The following NRG2 variants were observed in gnomAD, a reference collection of about 807,000 sequenced individuals.
NRG2 encodes the protein neuregulin 2.
NRG2 carries 27 observed loss-of-function variants against 73.9 expected under a neutral mutation model. The ratio of observed to expected loss-of-function variants is 0.37; its 90% CI spans 0.27 to 0.50. NRG2 has a LOEUF of 0.50. NRG2 is among the 20% of genes least tolerant of loss of function. The probability of loss-of-function intolerance (pLI) is 0.96; values close to 1 mark genes in which losing one functional copy is unlikely to be tolerated. For missense variants in NRG2, 1,126 were observed against 1,210.1 expected (o/e 0.93, Z 1.03); for synonymous variants, 532 against 541.0 (o/e 0.98, Z 0.23).
chr5:139,950,645 T>C (rs1754133641), intron 1 of NRG2, among the ~76,000 whole-genome samples: 1 of 152,216 alleles, frequency 6.6e-6, no homozygotes, highest in Non-Finnish European at 1.5e-5. Flanking sequence ...GGGCAAATAC[T>C]TTCCACACGC....
chr5:140,003,357 G>C (rs369422996), intron 1 of NRG2, among the ~76,000 whole-genome samples: 1 of 152,186 alleles, frequency 6.6e-6, no homozygotes, highest in Admixed American at 6.5e-5. Flanking sequence ...GGAAATTGCA[G>C]ATGTGATTAA....
chr5:139,918,966 T>G (rs896249556), intron 1 of NRG2, among the ~76,000 whole-genome samples: 1 of 152,134 alleles, frequency 6.6e-6, no homozygotes, highest in Non-Finnish European at 1.5e-5. Flanking sequence ...GAGAATTTTC[T>G]TAGAAGAATA....
rs767016882 is a variant in NRG2, at chr5:139,852,390, T to C, written c.1544+42A>G. 1.2e-6 allele frequency: 2 copies of C among 1,601,032 alleles called. No homozygotes were observed. The highest frequency in any genetic ancestry group is 1.7e-5 in the Admixed American group (1 of 58,498). ...AGTGGGCACTTTGCGCCAGATGAAGTATGTGAGTCTACAAGTTTCCATGGG... is the reference window on the plus strand; with the variant it reads ...AGTGGGCACTTTGCGCCAGATGAAGCATGTGAGTCTACAAGTTTCCATGGG... On this transcript the variant is annotated intron_variant, in intron 8 of 9. Transcript: ENST00000361474. The surrounding 1 kb of genome is among the most constrained non-coding windows in gnomAD (Gnocchi z 4.4).
intron 1 of NRG2, among the ~76,000 whole-genome samples, chr5:139,922,675 C>T (rs1263262756): frequency 6.6e-6 from 1 of 152,192 alleles, no homozygotes; most frequent in Non-Finnish European, 1.5e-5. Flanking sequence ...CTTCATACAT[C>T]ATTGCCCAAA....
chr5:139,974,998 A>C (rs1275827859), intron 1 of NRG2, among the ~76,000 whole-genome samples: 1 of 152,256 alleles, frequency 6.6e-6, no homozygotes, highest in Non-Finnish European at 1.5e-5. Context: ...GCTAGCAGCC[A>C]ATGTGCCTCT....
At chr5:139,959,212 T>A (rs11742055) in intron 1 of NRG2, among the ~76,000 whole-genome samples, 2,469 of 152,248 alleles carry the variant, frequency 0.016, 33 homozygotes, top group Middle Eastern at 0.051. Context: ...GTTTTTGTTT[T>A]TCTTTGATAC....
chr5:140,002,574 G>A (rs1485498538), intron 1 of NRG2, among the ~76,000 whole-genome samples: 1 of 152,222 alleles, frequency 6.6e-6, no homozygotes, highest in African/African-American at 2.4e-5. Flanking sequence ...TAAGGGCCAA[G>A]TCGGAGAAAG....
In NRG2 at chr5:139,887,450, C is replaced by G. The variant is rs748046281; in HGVS notation, c.762G>C (p.Ser254=). Residue 254 remains serine (S), a synonymous_variant, in exon 2 of 10, where the codon TCG becomes TCC. Coordinates refer to ENST00000361474, the MANE Select transcript of NRG2 (RefSeq NM_004883.3). This position sits in a 1 kb window ranked among gnomAD's most constrained non-coding sequence, Gnocchi z 4.5. ...TACCGGCTGCTGCCTCACACTTCAGCGATTGCTTCTCACCCACCTGTCCCG... is the reference window on the plus strand; with the variant it reads ...TACCGGCTGCTGCCTCACACTTCAGGGATTGCTTCTCACCCACCTGTCCCG... ...SQTGQVGEKQ[S]LKCEAAAGNP... is the part of the protein sequence containing the mutation. The G allele has an allele frequency of 6.2e-7, 1 of 1,614,260 alleles. No individual in the cohort carries two copies. The highest frequency in any genetic ancestry group is 8.5e-7 in the Non-Finnish European group (1 of 1,180,052).
intron 1 of NRG2, among the ~76,000 whole-genome samples, chr5:140,013,600 G>T (rs1759538759): frequency 6.6e-6 from 1 of 152,204 alleles, no homozygotes; most frequent in East Asian, 1.9e-4. Flanking sequence ...TCCCCTAACA[G>T]CTACCACCCT....
chr5:139,949,615 T>C (rs1012106845), intron 1 of NRG2, among the ~76,000 whole-genome samples: 33 of 152,248 alleles, frequency 2.2e-4, no homozygotes, highest in African/African-American at 8.0e-4. Context: ...TATTCTATTT[T>C]AGCTAAGGAA....
intron 1 of NRG2, among the ~76,000 whole-genome samples, chr5:139,939,280 T>A (rs1246139047): frequency 6.6e-6 from 1 of 151,096 alleles, no homozygotes; most frequent in Non-Finnish European, 1.5e-5. Context: ...CTTTCTTTCT[T>A]TCCTTTCTTT....
chr5:139,936,134 G>C (rs1011944913), intron 1 of NRG2, among the ~76,000 whole-genome samples: 2 of 151,772 alleles, frequency 1.3e-5, no homozygotes, highest in African/African-American at 4.8e-5. Flanking sequence ...TAGAAAAACA[G>C]AGCAAGTTAA....
intron 1 of NRG2, among the ~76,000 whole-genome samples, chr5:139,941,344 TA>T (rs1405116675): frequency 6.6e-6 from 1 of 151,918 alleles, no homozygotes; most frequent in Non-Finnish European, 1.5e-5. Flanking sequence ...TTTTTTGTAA[TA>T]CAGGCCTATT....
intron 1 of NRG2, among the ~76,000 whole-genome samples, chr5:140,000,186 G>T (rs1379015456): frequency 2.0e-5 from 3 of 152,204 alleles, no homozygotes; most frequent in African/African-American, 4.8e-5. Flanking sequence ...TGAGTCTGGA[G>T]GTTCTCAGAC....
In NRG2 at chr5:139,871,703, C is replaced by T; in HGVS notation, c.1112+18G>A. 1.2e-6 allele frequency: 2 copies of T among 1,613,694 alleles called. No homozygotes were observed. The highest frequency in any genetic ancestry group is 1.7e-6 in the Non-Finnish European group (2 of 1,179,722). On this transcript the variant is annotated intron_variant, in intron 4 of 9. Coordinates refer to ENST00000361474, the MANE Select transcript of NRG2 (RefSeq NM_004883.3). ...TACCCTGTTCTTGCTCCCATGCCCA[C>T]CCCTACTGGTCACTTACTTGCAGGA...
chr5:139,878,861 T>C (rs1221624301), intron 3 of NRG2, among the ~76,000 whole-genome samples: 2 of 152,138 alleles, frequency 1.3e-5, no homozygotes, highest in Admixed American at 1.3e-4. Context: ...GGCTGGGCCA[T>C]AGAGGAGGCA....
At chr5:139,922,115 G>A (rs1446913550) in intron 1 of NRG2, among the ~76,000 whole-genome samples, 15 of 145,674 alleles carry the variant, frequency 1.0e-4, no homozygotes, top group African/African-American at 3.8e-4. Context: ...CTCTACAAAA[G>A]ATAATGTCAA....
intron 1 of NRG2, among the ~76,000 whole-genome samples, chr5:139,916,918 T>A (rs1751298362): frequency 6.6e-6 from 1 of 152,212 alleles, no homozygotes; most frequent in Admixed American, 6.5e-5. Flanking sequence ...ATATATATTA[T>A]CTGAAATCCC....
At chr5:139,924,492 A>G (rs1480524954) in intron 1 of NRG2, among the ~76,000 whole-genome samples, 1 of 152,168 alleles carries the variant, frequency 6.6e-6, no homozygotes, top group East Asian at 1.9e-4. Flanking sequence ...TCCCTGCTGG[A>G]TTCCCTTGTT....
Sources: allele counts gnomAD v4.1 joint callset (sites outside exome capture counted in the v4.1 genomes callset), GRCh38; gene constraint gnomAD v4.1.1; non-coding constraint Gnocchi (gnomAD v3.1); transcripts MANE v1.5; gene names NCBI Gene and HGNC (gene_info 2026-07-23, HGNC 2026-07-21).